ATRNL1: variants seen among roughly 807,000 people sequenced by gnomAD.
ATRNL1 encodes the protein attractin-like protein 1.
A neutral mutation model predicts 182.7 loss-of-function variants in ATRNL1; 95 were observed. That is an observed-to-expected ratio of 0.52 (90% CI 0.44 to 0.62). The LOEUF is 0.62. ATRNL1 is among the 20% of genes least tolerant of loss of function. The pLI, the probability that ATRNL1 is intolerant of heterozygous loss-of-function variation, is 0.00. For synonymous variants in ATRNL1, 576 were observed against 568.3 expected (o/e 1.01, Z -0.19); for missense variants, 1,471 against 1,679.5 (o/e 0.88, Z 2.17).
intron 24 of ATRNL1, among the ~76,000 whole-genome samples, chr10:115,504,838 G>A (rs1850025366): frequency 6.6e-6 from 1 of 151,928 alleles, no homozygotes; most frequent in African/African-American, 2.4e-5. Flanking sequence ...TTTCAGTAGT[G>A]AAACATTGTG....
intron 26 of ATRNL1, among the ~76,000 whole-genome samples, chr10:115,655,852 AG>A (rs1363931028): frequency 2.6e-5 from 4 of 152,320 alleles, no homozygotes; most frequent in South Asian, 2.1e-4. Context: ...TTTATAACTA[AG>A]ATCTTTGCCC....
rs574312147 is a variant in ATRNL1, at chr10:115,466,828, C to T, written c.3418-346C>T. On this transcript the variant is annotated intron_variant, in intron 22 of 28. Coordinates refer to ENST00000355044, the MANE Select transcript of ATRNL1 (RefSeq NM_207303.4). ...TAATCCAAACCTGTTTCATTTAAACCTAGCAAAAAGAATCAAAATACAAAT... is the reference window on the plus strand; with the variant it reads ...TAATCCAAACCTGTTTCATTTAAACTTAGCAAAAAGAATCAAAATACAAAT... Among the ~76,000 whole-genome samples, 13 of 151,024 alleles carry T rather than the reference C, an allele frequency of 8.6e-5. No individual in the cohort carries two copies. The South Asian group carries it at 2.7e-3, about 31-fold the overall frequency.
chr10:115,763,957 A>C (rs1948795091), intron 27 of ATRNL1, among the ~76,000 whole-genome samples: 1 of 152,174 alleles, frequency 6.6e-6, no homozygotes, highest in Admixed American at 6.5e-5. Flanking sequence ...CCATTCTTCT[A>C]TCTCAATTTT....
intron 27 of ATRNL1, among the ~76,000 whole-genome samples, chr10:115,742,959 C>T (rs1948181004): frequency 6.6e-6 from 1 of 152,040 alleles, no homozygotes; most frequent in Non-Finnish European, 1.5e-5. Context: ...AGGAAAGTTA[C>T]AATGAAGGAG....
chr10:115,357,793 T>A (rs938363993), intron 19 of ATRNL1, among the ~76,000 whole-genome samples: 3 of 151,700 alleles, frequency 2.0e-5, no homozygotes, highest in Non-Finnish European at 4.4e-5. Flanking sequence ...TTAGGCAATT[T>A]AAAATTTTTA....
chr10:115,826,463 C>G (rs1555092009), intron 27 of ATRNL1, among the ~76,000 whole-genome samples: 1 of 152,048 alleles, frequency 6.6e-6, no homozygotes, highest in Non-Finnish European at 1.5e-5. Flanking sequence ...GGGAGTGGCA[C>G]CCAGCAGCTT....
At chr10:115,294,483 A>G (rs919527113) in intron 15 of ATRNL1, among the ~76,000 whole-genome samples, 11 of 152,104 alleles carry the variant, frequency 7.2e-5, no homozygotes, top group Admixed American at 1.3e-4. Context: ...CTTCCAAATT[A>G]TGAATTGTTT....
intron 20 of ATRNL1, among the ~76,000 whole-genome samples, chr10:115,420,628 C>G (rs1845609727): frequency 1.3e-5 from 2 of 151,854 alleles, no homozygotes; most frequent in African/African-American, 4.8e-5. Flanking sequence ...AATAAACAGC[C>G]TAATGTTGTA....
intron 27 of ATRNL1, among the ~76,000 whole-genome samples, chr10:115,776,799 T>G (rs75078486): frequency 0.042 from 6,359 of 152,140 alleles, 368 homozygotes; most frequent in African/African-American, 0.13. Context: ...CCAAATTAGA[T>G]TCAGTTGTAT....
chr10:115,819,161 T>A (rs1482341997), intron 27 of ATRNL1, among the ~76,000 whole-genome samples: 1 of 152,052 alleles, frequency 6.6e-6, no homozygotes, highest in African/African-American at 2.4e-5. Flanking sequence ...CCACACTCCA[T>A]ATGCCTGTGA....
At chr10:115,167,190 G>A (rs945318032) in intron 7 of ATRNL1, among the ~76,000 whole-genome samples, 1 of 150,090 alleles carries the variant, frequency 6.7e-6, no homozygotes, top group African/African-American at 2.5e-5. Flanking sequence ...CACCCTAGCT[G>A]AAAGTCCTTT....
intron 21 of ATRNL1, among the ~76,000 whole-genome samples, chr10:115,429,794 G>A (rs1419339078): frequency 2.0e-5 from 3 of 152,046 alleles, no homozygotes; most frequent in African/African-American, 7.2e-5. Flanking sequence ...CTGGCCGGGC[G>A]CTGTGGCTCA....
chr10:115,439,263 T>C (rs1846550550), intron 21 of ATRNL1, among the ~76,000 whole-genome samples: 1 of 151,820 alleles, frequency 6.6e-6, no homozygotes. Context: ...AAAATTCACA[T>C]ATGAGTGGAC....
chr10:115,636,966 A>G (rs1276974651), intron 26 of ATRNL1, among the ~76,000 whole-genome samples: 1 of 152,212 alleles, frequency 6.6e-6, no homozygotes, highest in African/African-American at 2.4e-5. Context: ...CAGGAGTTAT[A>G]GGAACTGAAA....
chr10:115,557,868 A>T (rs2133828151), intron 26 of ATRNL1, among the ~76,000 whole-genome samples: 1 of 152,192 alleles, frequency 6.6e-6, no homozygotes, highest in Non-Finnish European at 1.5e-5. Flanking sequence ...AACATGGTGA[A>T]ACCCCATCTC....
chr10:115,587,014 T>C (rs1475834100), intron 26 of ATRNL1, among the ~76,000 whole-genome samples: 29 of 148,052 alleles, frequency 2.0e-4, no homozygotes, highest in Non-Finnish European at 4.5e-5. Flanking sequence ...TACCTGGCCG[T>C]GTGAGGTGTC....
At chr10:115,376,397 C>G (rs1554949554) in intron 19 of ATRNL1, among the ~76,000 whole-genome samples, 1 of 152,100 alleles carries the variant, frequency 6.6e-6, no homozygotes, top group African/African-American at 2.4e-5. Flanking sequence ...AAGCAATCCT[C>G]CTGCCTTGGC....
At chr10:115,758,328 A>G (rs1190654042) in intron 27 of ATRNL1, among the ~76,000 whole-genome samples, 1 of 141,604 alleles carries the variant, frequency 7.1e-6, no homozygotes, top group African/African-American at 2.6e-5. Flanking sequence ...GATGTTGGTG[A>G]TGTTGATACT....
chr10:115,101,351 G>A (rs1369407406), intron 1 of ATRNL1, among the ~76,000 whole-genome samples: 2 of 151,414 alleles, frequency 1.3e-5, no homozygotes, highest in Non-Finnish European at 3.0e-5. Context: ...TTTTTTTTTA[G>A]ATGCCTTTTA....
Sources: gnomAD v4.1 joint callset for allele counts (sites outside exome capture counted in the v4.1 genomes callset) on GRCh38, gnomAD v4.1.1 for gene constraint, MANE v1.5 for transcripts, NCBI Gene and HGNC (gene_info 2026-07-23, HGNC 2026-07-21) for gene names.